NOL4: variants seen among roughly 807,000 people sequenced by gnomAD.
The protein encoded by NOL4 is cancer/testis antigen 125.
A neutral mutation model predicts 75.9 loss-of-function variants in NOL4; 17 were observed. The observed-to-expected ratio is 0.22, with a 90% confidence interval of 0.15 to 0.34. The LOEUF (loss-of-function observed/expected upper bound fraction) is 0.34. NOL4 is among the 10% of genes least tolerant of loss of function. NOL4 has a pLI of 1.00. For missense variants in NOL4, 614 were observed against 793.5 expected (o/e 0.77, Z 2.72); for synonymous variants, 292 against 289.9 (o/e 1.01, Z -0.07).
intron 9 of NOL4, among the ~76,000 whole-genome samples, chr18:33,937,460 C>T (rs958238191): frequency 6.6e-6 from 1 of 152,102 alleles, no homozygotes; most frequent in Non-Finnish European, 1.5e-5. Flanking sequence ...AGTGGCTTAA[C>T]AGAAAGCCAA....
intron 5 of NOL4, among the ~76,000 whole-genome samples, chr18:34,043,060 G>C (rs917112838): frequency 1.3e-5 from 2 of 152,066 alleles, no homozygotes; most frequent in African/African-American, 4.8e-5. Context: ...ATGAGTTCAT[G>C]TTTGCAGAGT....
chr18:33,985,975 G>C (rs1480880059), intron 6 of NOL4, among the ~76,000 whole-genome samples: 1 of 151,950 alleles, frequency 6.6e-6, no homozygotes, highest in Non-Finnish European at 1.5e-5. Context: ...ACTAGAAATG[G>C]TCATAAACTT....
chr18:34,080,777 TTAA>T (rs1259176152), intron 5 of NOL4, among the ~76,000 whole-genome samples: 1 of 152,202 alleles, frequency 6.6e-6, no homozygotes. Context: ...AGCATCATTG[TTAA>T]TGGCAAAAAG....
At chr18:34,072,983 T>C (rs1341448139) in intron 5 of NOL4, among the ~76,000 whole-genome samples, 2 of 152,130 alleles carry the variant, frequency 1.3e-5, no homozygotes, top group Non-Finnish European at 2.9e-5. Context: ...ATGCTAGTAT[T>C]AGCTATGAGG....
At chr18:34,095,181 A>G (rs893129264) in intron 4 of NOL4, among the ~76,000 whole-genome samples, 1 of 151,954 alleles carries the variant, frequency 6.6e-6, no homozygotes, top group African/African-American at 2.4e-5. Context: ...AATCAGCCAC[A>G]TAGACTTCTC....
At chr18:34,112,757 G>A (rs1196987696) in intron 2 of NOL4, among the ~76,000 whole-genome samples, 1 of 152,124 alleles carries the variant, frequency 6.6e-6, no homozygotes, top group Non-Finnish European at 1.5e-5. Context: ...CCATCATGTA[G>A]TATGAGTAAG....
intron 1 of NOL4, among the ~76,000 whole-genome samples, chr18:34,184,880 A>T (rs145453909): frequency 6.6e-6 from 1 of 152,158 alleles, no homozygotes; most frequent in Non-Finnish European, 1.5e-5. Context: ...TGAAGAAGAC[A>T]TACAAGTAAC....
chr18:34,027,999 T>A (rs1161460009), intron 5 of NOL4, among the ~76,000 whole-genome samples: 1 of 152,204 alleles, frequency 6.6e-6, no homozygotes, highest in East Asian at 1.9e-4. Flanking sequence ...TCTCATCAAA[T>A]CAAAATTTAA....
intron 6 of NOL4, among the ~76,000 whole-genome samples, chr18:34,000,988 A>G: frequency 6.6e-6 from 1 of 152,174 alleles, no homozygotes; most frequent in East Asian, 1.9e-4. Flanking sequence ...ACAAAAATAA[A>G]ATGTAAACAG....
intron 6 of NOL4, among the ~76,000 whole-genome samples, chr18:33,978,128 T>A (rs1385620843): frequency 1.3e-5 from 2 of 152,198 alleles, no homozygotes; most frequent in Admixed American, 1.3e-4. Context: ...GGTGACCAGT[T>A]GGCCGCTATC....
intron 9 of NOL4, among the ~76,000 whole-genome samples, chr18:33,914,428 G>T (rs1444173969): frequency 1.3e-5 from 2 of 152,028 alleles, no homozygotes; most frequent in African/African-American, 4.8e-5. Context: ...AGACTTTGGT[G>T]CTCTCTCTTA....
chr18:33,920,165 TAGAG>T (rs751315336), intron 9 of NOL4, among the ~76,000 whole-genome samples: 6 of 151,788 alleles, frequency 4.0e-5, no homozygotes, highest in African/African-American at 7.3e-5. Flanking sequence ...ATGAGGGACA[TAGAG>T]AGAGGGAAGG....
intron 1 of NOL4, among the ~76,000 whole-genome samples, chr18:34,149,283 C>T (rs2081542916): frequency 6.6e-6 from 1 of 151,574 alleles, no homozygotes; most frequent in African/African-American, 2.4e-5. Flanking sequence ...ATCTGTAATA[C>T]ATGAGTATAT....
rs550963186 is a variant in NOL4, at chr18:33,898,289, T to G, written c.1543-14865A>C. On this transcript the variant is annotated intron_variant, in intron 9 of 10. Coordinates refer to ENST00000261592, the MANE Select transcript of NOL4 (RefSeq NM_003787.5). ...TCTTTTGGTAAAATAGTTGCATTGC[T>G]TTAGCTGGTGATCACATGGCAGATA... Among the ~76,000 whole-genome samples, 13 of 152,320 alleles carry G rather than the reference T, an allele frequency of 8.5e-5. No homozygotes were observed. In the South Asian group the frequency reaches 2.7e-3, roughly 32 times the overall value.
At chr18:34,047,837 A>T (rs557367618) in intron 5 of NOL4, among the ~76,000 whole-genome samples, 3 of 152,242 alleles carry the variant, frequency 2.0e-5, no homozygotes, top group African/African-American at 4.8e-5. Context: ...TCAACAAAAA[A>T]TCCTGAAAGG....
chr18:33,907,277 C>T (rs572796559), intron 9 of NOL4, among the ~76,000 whole-genome samples: 20 of 142,126 alleles, frequency 1.4e-4, no homozygotes, highest in African/African-American at 3.9e-4. Flanking sequence ...GAGCTGAGAT[C>T]GCCTCCACTG....
rs184959447 is a variant in NOL4, at chr18:34,084,722, C to T, written c.772+8743G>A. ...ATCCTTTCAACCCCTTTCTTCAATACTTTCCAACTGTTCTTTCTTTATATC... is the reference window on the plus strand; with the variant it reads ...ATCCTTTCAACCCCTTTCTTCAATATTTTCCAACTGTTCTTTCTTTATATC... On this transcript the variant is annotated intron_variant, in intron 5 of 10. Coordinates refer to ENST00000261592, the MANE Select transcript of NOL4 (RefSeq NM_003787.5). Among the ~76,000 whole-genome samples, 307 of 152,194 alleles carry T rather than the reference C, an allele frequency of 2.0e-3. 3 individuals carry two copies. The highest frequency in any genetic ancestry group is 6.4e-3 in the South Asian group (31 of 4,830).
intron 8 of NOL4, among the ~76,000 whole-genome samples, chr18:33,956,185 C>T (rs1370416817): frequency 1.3e-5 from 2 of 152,024 alleles, no homozygotes; most frequent in African/African-American, 4.8e-5. Context: ...AGAGAAATTG[C>T]TGAATTTGAG....
chr18:34,039,860 A>G (rs1278887473), intron 5 of NOL4, among the ~76,000 whole-genome samples: 1 of 152,018 alleles, frequency 6.6e-6, no homozygotes, highest in Non-Finnish European at 1.5e-5. Context: ...TTGAGCACCC[A>G]TACAACCATT....
Sources: allele counts gnomAD v4.1 joint callset (sites outside exome capture counted in the v4.1 genomes callset), GRCh38; gene constraint gnomAD v4.1.1; transcripts MANE v1.5; gene names NCBI Gene and HGNC (gene_info 2026-07-23, HGNC 2026-07-21).